The following TANC1 variants were observed in gnomAD, a reference collection of about 807,000 sequenced individuals.
The protein encoded by TANC1 is protein TANC1.
In TANC1, 77 loss-of-function variants were observed where a neutral mutation model predicts 149.7. The ratio of observed to expected loss-of-function variants is 0.51; its 90% CI spans 0.43 to 0.62. TANC1 has a LOEUF of 0.62. Among genes scored for constraint, TANC1 ranks in the 20% least tolerant of loss-of-function variants. The pLI is 0.00. For synonymous variants in TANC1, 854 were observed against 925.0 expected, an observed-to-expected ratio of 0.92 and a Z score of 1.39; for missense variants, 1,985 against 2,321.8, an observed-to-expected ratio of 0.85 and a Z score of 2.98.
chr2:159,096,810 T>C (rs2046191781), intron 3 of TANC1, among the ~76,000 whole-genome samples: 1 of 152,094 alleles, frequency 6.6e-6, no homozygotes, highest in African/African-American at 2.4e-5. Flanking sequence ...GAACTACTAA[T>C]TAGGATTGGC....
chr2:159,165,237 G>A (rs2054469421), intron 8 of TANC1, among the ~76,000 whole-genome samples: 1 of 152,202 alleles, frequency 6.6e-6, no homozygotes, highest in African/African-American at 2.4e-5. Context: ...GTGGGTGTGA[G>A]CTGAGCTTTT....
intron 2 of TANC1, among the ~76,000 whole-genome samples, chr2:159,058,161 G>A (rs1574386327): frequency 6.6e-6 from 1 of 152,146 alleles, no homozygotes; most frequent in East Asian, 1.9e-4. Flanking sequence ...TTTTGAAGGA[G>A]AGTGTATTGA....
At position 159,215,571 on chromosome 2, in the gene TANC1, A is replaced by G. The variant is rs560413126; in HGVS notation, c.3245-1926A>G. On this transcript the variant is annotated intron_variant, in intron 19 of 26. Coordinates refer to ENST00000263635, the MANE Select transcript of TANC1 (RefSeq NM_033394.3). The stretch of plus-strand genomic sequence containing the variant: ...GGTGTCAAAGAAGACAGGCAGACCA[A>G]GGGGTGTGTGCAGACACCAGCATCA... Among the ~76,000 whole-genome samples, 5 of 152,308 alleles carry G rather than the reference A, an allele frequency of 3.3e-5. No individual in the cohort carries two copies. In the South Asian group the frequency reaches 1.0e-3, roughly 32 times the overall value.
intron 4 of TANC1, among the ~76,000 whole-genome samples, chr2:159,109,651 T>C (rs1307494562): frequency 6.6e-6 from 1 of 152,228 alleles, no homozygotes; most frequent in Non-Finnish European, 1.5e-5. Context: ...CATGCCATTC[T>C]GAGTAGCATG....
At chr2:159,194,528 G>T in intron 17 of TANC1, 35 bp downstream of exon 17, 1 of 1,548,586 alleles carries the variant, frequency 6.5e-7, no homozygotes, top group South Asian at 1.1e-5. Flanking sequence ...GGCTGGGGCA[G>T]GGAAATGGCT....
intron 11 of TANC1, among the ~76,000 whole-genome samples, chr2:159,174,034 G>A (rs1223163223): frequency 3.9e-5 from 6 of 152,168 alleles, no homozygotes; most frequent in Non-Finnish European, 5.9e-5. Flanking sequence ...GGCGCTTGCC[G>A]CACCCAGTGG....
intron 4 of TANC1, among the ~76,000 whole-genome samples, chr2:159,111,800 G>A (rs886850200): frequency 8.5e-5 from 13 of 152,180 alleles, no homozygotes; most frequent in African/African-American, 2.4e-4. Context: ...AGAACACAGC[G>A]AGTATTATGG....
Position 159,169,465 on chromosome 2 carries a change from G to A in TANC1, c.1069+93G>A, listed in dbSNP as rs969978837. On this transcript the variant is annotated intron_variant, in intron 9 of 26. Coordinates refer to ENST00000263635, the MANE Select transcript of TANC1 (RefSeq NM_033394.3). ...GATAACCAGCATTGAAGCCAACTGT[G>A]TTTATAACATGATGGAAAGTGTGTT... 6 of 1,302,408 alleles carry A rather than the reference G, an allele frequency of 4.6e-6. No homozygotes were observed. The Admixed American group carries it at 1.1e-4, about 24-fold the overall frequency. 80.7% of individuals were successfully genotyped at this position (1,302,408 alleles called of 1,614,324 possible).
intron 19 of TANC1, among the ~76,000 whole-genome samples, chr2:159,208,968 T>C (rs889298272): frequency 2.0e-5 from 3 of 152,242 alleles, no homozygotes; most frequent in African/African-American, 7.2e-5. Context: ...CTTGTGTGTC[T>C]AAACATGTCT....
At position 159,001,177 on chromosome 2, in the gene TANC1, T is replaced by G. The variant is rs1417765049; in HGVS notation, c.-28T>G. 1 of 152,528 alleles carries G rather than the reference T, an allele frequency of 6.6e-6. No individual in the cohort carries two copies. Among genetic ancestry groups the G allele is most frequent in the Admixed American group, 6.5e-5 (1 of 15,286 alleles). 9.4% of individuals were successfully genotyped at this position (152,528 alleles called of 1,614,324 possible). On this transcript the variant is annotated 5_prime_UTR_variant, in exon 2 of 27. Coordinates refer to ENST00000263635, the MANE Select transcript of TANC1 (RefSeq NM_033394.3). The surrounding 1 kb of genome is among the most constrained non-coding windows in gnomAD (Gnocchi z 4.3). ...CCCCCTTTTCCTGGTGCATGTGAAGTTATCAAAAACAGGTAGGTGATGGCT... is the reference window on the plus strand; with the variant it reads ...CCCCCTTTTCCTGGTGCATGTGAAGGTATCAAAAACAGGTAGGTGATGGCT...
intron 25 of TANC1, 112 bp downstream of exon 25, chr2:159,228,077 T>G (rs1454760430): frequency 1.6e-6 from 2 of 1,224,704 alleles, no homozygotes; most frequent in East Asian, 4.7e-5. Context: ...TCCAATTTGC[T>G]TGCACATTTA....
chr2:159,191,289 T>A (rs1255673142), intron 16 of TANC1, among the ~76,000 whole-genome samples: 2 of 152,188 alleles, frequency 1.3e-5, no homozygotes, highest in African/African-American at 2.4e-5. Context: ...TTGCCTTTCT[T>A]CTCTGTGAAC....
chr2:159,150,247 G>T (rs2052630350), intron 6 of TANC1, 123 bp from the exon 7 acceptor site: 3 of 731,402 alleles, frequency 4.1e-6, no homozygotes, highest in Non-Finnish European at 6.6e-6. Flanking sequence ...TATCTCTTTA[G>T]ATTTTTTTTT....
At chr2:159,062,961 G>A (rs1381829608) in intron 2 of TANC1, among the ~76,000 whole-genome samples, 7 of 40,912 alleles carry the variant, frequency 1.7e-4, no homozygotes, top group Non-Finnish European at 3.8e-4. Context: ...GCGACAGAGC[G>A]AGACTCCGTC....
intron 7 of TANC1, among the ~76,000 whole-genome samples, chr2:159,161,075 G>C (rs1446355235): frequency 6.6e-6 from 1 of 152,114 alleles, no homozygotes; most frequent in Non-Finnish European, 1.5e-5. Flanking sequence ...GCTCTGACCT[G>C]GCCTTCCCAG....
chr2:159,007,736 G>A (rs1368387177), intron 2 of TANC1, among the ~76,000 whole-genome samples: 1 of 152,210 alleles, frequency 6.6e-6, no homozygotes, highest in South Asian at 2.1e-4. Context: ...AAGGAGGCCA[G>A]GTTAATCTTT....
At chr2:159,203,542 G>T (rs2058400636) in intron 19 of TANC1, among the ~76,000 whole-genome samples, 1 of 151,684 alleles carries the variant, frequency 6.6e-6, no homozygotes, top group Non-Finnish European at 1.5e-5. Flanking sequence ...TTGATAGGAG[G>T]CTGCTTTTCC....
At chr2:159,090,498 C>T (rs1327165607) in intron 3 of TANC1, among the ~76,000 whole-genome samples, 1 of 152,284 alleles carries the variant, frequency 6.6e-6, no homozygotes, top group South Asian at 2.1e-4. Context: ...CAGCCTCGCT[C>T]GGCAGGGATC....
At position 159,217,560 on chromosome 2, in the gene TANC1, C is replaced by G. The variant is rs2059424822; in HGVS notation, c.3308C>G (p.Ala1103Gly). ...EVCELLLGHG[A>G]AVSRTNRRGV... ...TGTGAGCTGCTGCTGGGGCATGGAG[C>G]TGCTGTGTCGCGGACAAACAGGAGA... Residue 1103 changes from alanine (A) to glycine (G), a missense_variant, in exon 20 of 27, where the codon GCT becomes GGT. Ala to Gly is a moderately conservative substitution (Grantham distance 60). Around this residue, in one of 3 missense-constraint regions of TANC1, gnomAD observed 920 missense variants for 994.7 expected, o/e 0.92. Transcript: ENST00000263635. 1.2e-6 allele frequency: 2 copies of G among 1,614,140 alleles called. No individual in the cohort carries two copies. The highest frequency in any genetic ancestry group is 1.7e-6 in the Non-Finnish European group (2 of 1,180,052).
Sources: allele counts gnomAD v4.1 joint callset (sites outside exome capture counted in the v4.1 genomes callset), GRCh38; gene constraint gnomAD v4.1.1; regional missense constraint gnomAD v4.1.1; non-coding constraint Gnocchi (gnomAD v3.1); transcripts MANE v1.5; gene names NCBI Gene and HGNC (gene_info 2026-07-23, HGNC 2026-07-21).